Variants in TXNL4A observed in about 807,000 individuals in gnomAD.
TXNL4A encodes thioredoxin like 4A, also known as thioredoxin-like protein 4A.
In TXNL4A, 17 loss-of-function variants were observed where a neutral mutation model predicts 14.6. The ratio of observed to expected loss-of-function variants is 1.16; its 90% CI spans 0.80 to 1.74. The LOEUF (loss-of-function observed/expected upper bound fraction) is 1.74. Ranked by LOEUF, TXNL4A falls within the 40% of genes most tolerant of loss-of-function variation. TXNL4A has a pLI of 0.00. For missense variants in TXNL4A, 74 were observed against 195.2 expected, an observed-to-expected ratio of 0.38 and a Z score of 3.70; for synonymous variants, 83 against 70.6, an observed-to-expected ratio of 1.18 and a Z score of -0.88.
At chr18:79,987,878 A>C (rs78537514) in intron 1 of TXNL4A, among the ~76,000 whole-genome samples, 2 of 152,284 alleles carry the variant, frequency 1.3e-5, no homozygotes, top group Admixed American at 1.3e-4. Context: ...TACCAAAAAA[A>C]GACGTCCTTT....
chr18:79,974,606 G>A (rs1259538802), intron 2 of TXNL4A, among the ~76,000 whole-genome samples: 2 of 151,966 alleles, frequency 1.3e-5, no homozygotes, highest in East Asian at 1.9e-4. Context: ...AGCCCTCTAA[G>A]TAACTGGGAC....
chr18:79,975,266 A>G (rs2051361885), intron 2 of TXNL4A, among the ~76,000 whole-genome samples: 1 of 152,254 alleles, frequency 6.6e-6, no homozygotes. Context: ...GTCTTATCTG[A>G]CATTAGGCTC....
chr18:80,018,354 A>G (rs2051826143), intron 1 of TXNL4A, among the ~76,000 whole-genome samples: 1 of 152,218 alleles, frequency 6.6e-6, no homozygotes, highest in Non-Finnish European at 1.5e-5. Flanking sequence ...AGGGAAATTT[A>G]TAGCACTAAA....
At chr18:80,021,254 G>C (rs66981431) in intron 1 of TXNL4A, among the ~76,000 whole-genome samples, 47,823 of 151,350 alleles carry the variant, frequency 0.32, 8,171 homozygotes, top group South Asian at 0.48. Context: ...TCAGCTCACT[G>C]CAAGCTCCAC....
At chr18:80,019,308 T>C (rs530019524) in intron 1 of TXNL4A, among the ~76,000 whole-genome samples, 1 of 152,292 alleles carries the variant, frequency 6.6e-6, no homozygotes, top group East Asian at 1.9e-4. Context: ...AAGGCACTTC[T>C]TACATGGTGG....
At chr18:79,993,111 T>G (rs2051638746), upstream of TXNL4A, among the ~76,000 whole-genome samples, 1 of 152,092 alleles carries the variant, frequency 6.6e-6, no homozygotes, top group African/African-American at 2.4e-5. The surrounding 1 kb of genome is among the most constrained non-coding windows in gnomAD (Gnocchi z 4.4). Flanking sequence ...TCTCATCATT[T>G]TTTTCGACTG....
intron 1 of TXNL4A, among the ~76,000 whole-genome samples, chr18:80,016,311 C>T (rs112051575): frequency 6.6e-6 from 1 of 152,078 alleles, no homozygotes; most frequent in South Asian, 2.1e-4. Flanking sequence ...ATTTTGTAGG[C>T]TGCCTGTTCA....
chr18:80,015,608 G>A (rs1371283989), intron 1 of TXNL4A, among the ~76,000 whole-genome samples: 17 of 151,590 alleles, frequency 1.1e-4, no homozygotes, highest in Non-Finnish European at 2.1e-4. Context: ...GAGAACATGC[G>A]GTGTTTGGTT....
chr18:80,003,712 A>G (rs982914509), intron 1 of TXNL4A, among the ~76,000 whole-genome samples: 3 of 152,202 alleles, frequency 2.0e-5, no homozygotes, highest in Non-Finnish European at 4.4e-5. Flanking sequence ...ATGAAAAAAC[A>G]CCTGAGAATA....
At position 80,011,887 on chromosome 18, in the gene TXNL4A, G is replaced by A. The variant is rs549778193; in HGVS notation, c.-61+21964C>T. Among the ~76,000 whole-genome samples the A allele has an allele frequency of 9.2e-5, 14 of 152,034 alleles. No homozygotes were observed. The highest frequency in any genetic ancestry group is 3.4e-3 in the Middle Eastern group (1 of 292). ...GTAGTTTAGACACACGCCTTTGCTCGAGGAAATTCACAGAAACCGAGACTG... is the reference window on the plus strand; with the variant it reads ...GTAGTTTAGACACACGCCTTTGCTCAAGGAAATTCACAGAAACCGAGACTG... On this transcript the variant is annotated intron_variant, in intron 1 of 2. Transcript: ENST00000585474. The surrounding 1 kb of genome is among the most constrained non-coding windows in gnomAD (Gnocchi z 4.1).
intron 1 of TXNL4A, among the ~76,000 whole-genome samples, chr18:80,003,654 A>G (rs2051711335): frequency 1.3e-5 from 2 of 152,204 alleles, no homozygotes; most frequent in Non-Finnish European, 2.9e-5. Context: ...TACTTTTAAG[A>G]AGCATTATTT....
intron 1 of TXNL4A, among the ~76,000 whole-genome samples, chr18:79,999,394 G>C (rs2051684021): frequency 6.6e-6 from 1 of 152,012 alleles, no homozygotes; most frequent in South Asian, 2.1e-4. Context: ...AAATTAGCCA[G>C]GCATGGTGGC....
At chr18:80,021,109 A>G (rs111496177) in intron 1 of TXNL4A, among the ~76,000 whole-genome samples, 7 of 152,266 alleles carry the variant, frequency 4.6e-5, no homozygotes, top group Admixed American at 2.0e-4. Context: ...TGCTTGCCCA[A>G]ACAGGTGGGC....
intron 2 of TXNL4A, among the ~76,000 whole-genome samples, chr18:79,976,355 G>T (rs1275391424): frequency 2.6e-5 from 4 of 152,222 alleles, no homozygotes; most frequent in Non-Finnish European, 4.4e-5. Context: ...CAGAGAACCT[G>T]TGTGAAAAGT....
chr18:79,974,168 T>C (rs1201564591), intron 2 of TXNL4A, among the ~76,000 whole-genome samples: 1 of 152,250 alleles, frequency 6.6e-6, no homozygotes, highest in African/African-American at 2.4e-5. Context: ...ATCCCAACTC[T>C]ATGGGAGGCT....
rs556981645 is a variant in TXNL4A, at chr18:80,007,967, ATAGTAAGACCCCCATCTC to A, written c.-61+25866_-61+25883del. On this transcript the variant is annotated intron_variant, in intron 1 of 2. Transcript: ENST00000585474. ...TTGCCCTCCTCACAGCCTAGGCAAC[ATAGTAAGACCCCCATCTC>A]TACAAAAAATGCAAAATCAGCCAGG... is the stretch of plus-strand genomic sequence containing the variant. 3.3e-3 allele frequency among the ~76,000 whole-genome samples: 506 copies of A among 152,156 alleles called. 2 individuals are homozygous for A. Among genetic ancestry groups the A allele is most frequent in the Middle Eastern group, 6.8e-3 (2 of 294 alleles).
intron 1 of TXNL4A, among the ~76,000 whole-genome samples, chr18:80,020,768 C>A (rs374191580): frequency 1.4e-3 from 218 of 152,248 alleles, no homozygotes; most frequent in African/African-American, 5.1e-3. Context: ...TTACTGTACC[C>A]AGGTATTTAC....
chr18:79,980,693 C>T (rs2051449524), intron 1 of TXNL4A, among the ~76,000 whole-genome samples: 1 of 152,238 alleles, frequency 6.6e-6, no homozygotes, highest in African/African-American at 2.4e-5. Context: ...AGAACTCCAG[C>T]ACAGGGCCCA....
At chr18:79,974,007 A>C in intron 2 of TXNL4A, 151 bp from the exon 3 acceptor site, 2 of 1,043,354 alleles carry the variant, frequency 1.9e-6, no homozygotes, top group Non-Finnish European at 2.7e-6. Flanking sequence ...ATGATGCAGG[A>C]GAATACAGGA....
Sources: allele counts gnomAD v4.1 joint callset (sites outside exome capture counted in the v4.1 genomes callset), GRCh38; gene constraint gnomAD v4.1.1; non-coding constraint Gnocchi (gnomAD v3.1); transcripts MANE v1.5; gene names NCBI Gene and HGNC (gene_info 2026-07-23, HGNC 2026-07-21).